Variants in CDH12 observed in about 807,000 individuals in gnomAD.
CDH12 encodes cadherin-12.
Under a neutral mutation model 74.1 loss-of-function variants are expected in CDH12, and 41 were observed. The ratio of observed to expected loss-of-function variants is 0.55; its 90% CI spans 0.43 to 0.72. CDH12 has a LOEUF of 0.72. Ranked by LOEUF, CDH12 falls within the 30% of genes least tolerant of loss-of-function variation. CDH12 has a pLI of 0.00. For missense variants in CDH12, 945 were observed against 977.2 expected, an observed-to-expected ratio of 0.97 and a Z score of 0.44; for synonymous variants, 399 against 355.0, an observed-to-expected ratio of 1.12 and a Z score of -1.39.
intron 1 of CDH12, among the ~76,000 whole-genome samples, chr5:22,603,512 A>G (rs1346079794): frequency 2.0e-5 from 3 of 152,212 alleles, no homozygotes; most frequent in Admixed American, 6.5e-5. Flanking sequence ...CTGAAGCACC[A>G]GGGGATTACA....
intron 10 of CDH12, among the ~76,000 whole-genome samples, chr5:21,788,375 C>T (rs4580743): frequency 0.59 from 90,374 of 151,924 alleles, 29,528 homozygotes; most frequent in Non-Finnish European, 0.74. Flanking sequence ...AGTAGCAAAA[C>T]GACACAGGTG....
At chr5:21,957,150 G>A (rs948281651) in intron 6 of CDH12, among the ~76,000 whole-genome samples, 1 of 152,082 alleles carries the variant, frequency 6.6e-6, no homozygotes, top group African/African-American at 2.4e-5. Flanking sequence ...CCACTTGTAA[G>A]TGAGAACATG....
intron 1 of CDH12, among the ~76,000 whole-genome samples, chr5:22,778,634 T>C (rs1413955737): frequency 6.6e-6 from 1 of 152,160 alleles, no homozygotes; most frequent in Admixed American, 6.5e-5. Context: ...ACTTTAAATT[T>C]CTCTTATTTC....
At chr5:22,741,402 A>C (rs944259126) in intron 1 of CDH12, among the ~76,000 whole-genome samples, 1 of 152,198 alleles carries the variant, frequency 6.6e-6, no homozygotes, top group Non-Finnish European at 1.5e-5. Context: ...TATTTTTATT[A>C]TTAGCATTAT....
chr5:22,618,958 C>G (rs1009299561), intron 1 of CDH12, among the ~76,000 whole-genome samples: 6 of 152,034 alleles, frequency 3.9e-5, no homozygotes, highest in African/African-American at 1.4e-4. Flanking sequence ...CTTCATCTTC[C>G]TCCATCATTG....
At chr5:22,427,952 G>A (rs1235914120) in intron 2 of CDH12, among the ~76,000 whole-genome samples, 2 of 152,030 alleles carry the variant, frequency 1.3e-5, no homozygotes, top group Non-Finnish European at 2.9e-5. Context: ...AAAAGTTGAA[G>A]GTTCTATTAC....
intron 1 of CDH12, among the ~76,000 whole-genome samples, chr5:22,844,668 A>T (rs1327206802): frequency 6.6e-6 from 1 of 152,158 alleles, no homozygotes; most frequent in Non-Finnish European, 1.5e-5. Context: ...AAAAGAAAAG[A>T]CTCTGTAGAG....
chr5:22,175,705 A>G (rs545886536), intron 4 of CDH12, among the ~76,000 whole-genome samples: 1 of 152,096 alleles, frequency 6.6e-6, no homozygotes, highest in Non-Finnish European at 1.5e-5. Flanking sequence ...CTACAACAGA[A>G]AGCGTGAATG....
chr5:22,801,982 T>A (rs1207531378), intron 1 of CDH12, among the ~76,000 whole-genome samples: 1 of 152,008 alleles, frequency 6.6e-6, no homozygotes, highest in African/African-American at 2.4e-5. Context: ...ATACCATCCT[T>A]AATATCCCTT....
At chr5:22,832,432 C>T (rs763954847) in intron 1 of CDH12, among the ~76,000 whole-genome samples, 1 of 152,040 alleles carries the variant, frequency 6.6e-6, no homozygotes, top group African/African-American at 2.4e-5. Context: ...GCTTTAGGTG[C>T]CCATTCAGGA....
intron 1 of CDH12, among the ~76,000 whole-genome samples, chr5:22,790,243 A>G (rs1411065618): frequency 6.6e-6 from 1 of 152,142 alleles, no homozygotes; most frequent in Non-Finnish European, 1.5e-5. Flanking sequence ...AAAAGAAATA[A>G]CAGAGGGGAA....
At chr5:22,545,648 T>C (rs1300837574) in intron 1 of CDH12, among the ~76,000 whole-genome samples, 2 of 152,342 alleles carry the variant, frequency 1.3e-5, no homozygotes, top group South Asian at 2.1e-4. Context: ...AGATGGCATA[T>C]GTATAATCAA....
chr5:22,053,299 A>G (rs1740513556), intron 5 of CDH12, among the ~76,000 whole-genome samples: 1 of 152,110 alleles, frequency 6.6e-6, no homozygotes, highest in African/African-American at 2.4e-5. Flanking sequence ...TCAAGTTATA[A>G]CCCATTCAAC....
chr5:22,312,654 A>G (rs1270711896), intron 3 of CDH12, among the ~76,000 whole-genome samples: 2 of 152,326 alleles, frequency 1.3e-5, no homozygotes, highest in Non-Finnish European at 2.9e-5. Flanking sequence ...AAAAGTTGCT[A>G]TTTGTTTCTT....
At chr5:21,938,748 A>ATATATATATATC (rs1490336535) in intron 6 of CDH12, among the ~76,000 whole-genome samples, 19 of 136,596 alleles carry the variant, frequency 1.4e-4, no homozygotes, top group South Asian at 1.4e-3. Context: ...ATATATATAT[A>ATATATATATATC]TCTTCTACAT....
chr5:22,634,074 C>T (rs899825168), intron 1 of CDH12, among the ~76,000 whole-genome samples: 4 of 151,550 alleles, frequency 2.6e-5, no homozygotes, highest in Non-Finnish European at 5.9e-5. Context: ...AGTGATAATC[C>T]GTAGGCAAAC....
At chr5:22,071,834 A>G (rs937994737) in intron 5 of CDH12, among the ~76,000 whole-genome samples, 1 of 152,152 alleles carries the variant, frequency 6.6e-6, no homozygotes, top group Non-Finnish European at 1.5e-5. Context: ...AAGGGATACT[A>G]ATAAAACAGA....
At chr5:22,716,648 G>C (rs1033215656) in intron 1 of CDH12, among the ~76,000 whole-genome samples, 1 of 151,468 alleles carries the variant, frequency 6.6e-6, no homozygotes, top group African/African-American at 2.4e-5. Context: ...AACAGTCTCA[G>C]GTCCTTCGGG....
intron 7 of CDH12, among the ~76,000 whole-genome samples, chr5:21,845,793 G>A (rs1750134358): frequency 1.3e-5 from 2 of 152,118 alleles, no homozygotes; most frequent in Admixed American, 6.6e-5. Context: ...AGTGATAAAG[G>A]AGATAGAAAG....
Sources: gnomAD v4.1 joint callset for allele counts (sites outside exome capture counted in the v4.1 genomes callset) on GRCh38, gnomAD v4.1.1 for gene constraint, MANE v1.5 for transcripts, NCBI Gene and HGNC (gene_info 2026-07-23, HGNC 2026-07-21) for gene names.